The following BBS4 variants were observed in gnomAD, a reference collection of about 807,000 sequenced individuals.
The protein encoded by BBS4 is Bardet-Biedl syndrome 4.
BBS4 carries 58 observed loss-of-function variants against 71.4 expected under a neutral mutation model. That is an observed-to-expected ratio of 0.81 (90% CI 0.66 to 1.01). The LOEUF (loss-of-function observed/expected upper bound fraction) is 1.01, where lower values mean the gene tolerates loss of function less well. BBS4 is among the 50% of genes least tolerant of loss of function. The probability of loss-of-function intolerance (pLI) is 0.00; values close to 1 mark genes in which losing one functional copy is unlikely to be tolerated. For synonymous variants in BBS4, 228 were observed against 216.8 expected (o/e 1.05, Z -0.46); for missense variants, 660 against 607.9 (o/e 1.09, Z -0.90).
At position 72,736,903 on chromosome 15, in the gene BBS4, T is replaced by C. The variant is rs776847398; in HGVS notation, c.1390T>C (p.Ser464Pro). The change falls in exon 15 of 16, where the codon TCT becomes CCT. Residue 464 changes from serine to proline, a missense_variant. By Grantham distance (74) the Ser-to-Pro change is moderately conservative. Coordinates refer to ENST00000268057, the MANE Select transcript of BBS4 (RefSeq NM_033028.5). ...KPASFQQPLG[S>P]NQALGQAMSS... ...TGCCAGTTTCCAGCAGCCTCTGGGCTCTAATCAAGCTCTAGGACAGGCAAT... is the reference window on the plus strand; with the variant it reads ...TGCCAGTTTCCAGCAGCCTCTGGGCCCTAATCAAGCTCTAGGACAGGCAAT... The C allele has an allele frequency of 5.0e-6, 8 of 1,614,156 alleles. No individual in the cohort carries two copies. The highest frequency in any genetic ancestry group is 2.2e-5 in the East Asian group (1 of 44,884).
At chr15:72,717,181 T>G in intron 6 of BBS4, 1 of 298,148 alleles carries the variant, frequency 3.4e-6, no homozygotes, top group South Asian at 3.9e-5. Context: ...TCATGTCTTT[T>G]TCCCGTCCCC....
intron 4 of BBS4, among the ~76,000 whole-genome samples, chr15:72,713,223 A>T (rs1376088135): frequency 6.6e-6 from 1 of 151,920 alleles, no homozygotes; most frequent in African/African-American, 2.4e-5. Context: ...TACGATACAC[A>T]CACTACTACA....
chr15:72,723,907 C>T (rs1253074219), intron 7 of BBS4, among the ~76,000 whole-genome samples: 1 of 152,176 alleles, frequency 6.6e-6, no homozygotes, highest in East Asian at 1.9e-4. Context: ...TTAGATTTTA[C>T]TGTACAGCTA....
intron 4 of BBS4, 149 bp downstream of exon 4, chr15:72,712,456 A>G (rs1387501567): frequency 1.3e-5 from 10 of 774,234 alleles, no homozygotes; most frequent in South Asian, 3.0e-5. Context: ...TTGTTAGGCA[A>G]TTTTGTCATT....
chr15:72,717,155 G>T, intron 6 of BBS4: 1 of 362,674 alleles, frequency 2.8e-6, no homozygotes, highest in African/African-American at 2.1e-5. Flanking sequence ...ATCAGCAATA[G>T]GCATCTAGTT....
At chr15:72,723,776 T>C (rs1452058945) in intron 7 of BBS4, among the ~76,000 whole-genome samples, 1 of 152,184 alleles carries the variant, frequency 6.6e-6, no homozygotes, top group Non-Finnish European at 1.5e-5. Context: ...TATACTTGGT[T>C]AGGAGATTTT....
intron 8 of BBS4, among the ~76,000 whole-genome samples, chr15:72,727,619 TA>T (rs2065727719): frequency 2.0e-5 from 3 of 152,174 alleles, no homozygotes; most frequent in African/African-American, 7.2e-5. Flanking sequence ...TGACTTGGTT[TA>T]TAAAGCATTG....
intron 1 of BBS4, among the ~76,000 whole-genome samples, chr15:72,691,635 A>G (rs535081605): frequency 1.3e-5 from 2 of 152,230 alleles, no homozygotes; most frequent in South Asian, 4.1e-4. Flanking sequence ...ATTCCACTAG[A>G]TGGAGATCGG....
chr15:72,717,425 T>G (rs898772255), intron 6 of BBS4: 1 of 154,160 alleles, frequency 6.5e-6, no homozygotes, highest in Non-Finnish European at 1.4e-5. Flanking sequence ...GGCATTGATT[T>G]GGTGGTCCTA....
intron 6 of BBS4, among the ~76,000 whole-genome samples, chr15:72,720,091 G>A (rs72737317): frequency 6.7e-6 from 1 of 150,248 alleles, no homozygotes; most frequent in Non-Finnish European, 1.5e-5. Flanking sequence ...CCCCTTCATG[G>A]CATTTTTATT....
At position 72,725,840 on chromosome 15, in the gene BBS4, TCCCCATC is replaced by T. The variant is rs2065674937; in HGVS notation, c.587+1190_587+1196del. 6.5e-3 allele frequency among the ~76,000 whole-genome samples: 7 copies of T among 1,084 alleles called. 2 individuals are homozygous for T. The highest frequency in any genetic ancestry group is 0.014 in the Non-Finnish European group (5 of 362). 0.7% of individuals were successfully genotyped at this position (1,084 alleles called of 152,430 possible). On this transcript the variant is annotated intron_variant, in intron 8 of 15. Transcript: ENST00000268057. Reference sequence around the variant, plus strand: ...CCATCCCCCTTTCCCCATCCCCCTTTCCCCATCCCCCTTTCCCCATCCCCCTTTCCCC... The same window carrying T: ...CCATCCCCCTTTCCCCATCCCCCTTTCCCCTTTCCCCATCCCCCTTTCCCC...
chr15:72,703,047 G>A (rs890124978), intron 2 of BBS4, among the ~76,000 whole-genome samples: 1 of 151,382 alleles, frequency 6.6e-6, no homozygotes, highest in Non-Finnish European at 1.5e-5. Flanking sequence ...TCCTGACCTC[G>A]TGATCCGCCC....
At chr15:72,697,194 A>G (rs1567400633) in intron 2 of BBS4, among the ~76,000 whole-genome samples, 2 of 152,206 alleles carry the variant, frequency 1.3e-5, no homozygotes, top group Admixed American at 1.3e-4. Flanking sequence ...TGGCCCCCCA[A>G]AGTACTGGGA....
chr15:72,730,004 C>T (rs567502496), intron 10 of BBS4, among the ~76,000 whole-genome samples: 32 of 152,212 alleles, frequency 2.1e-4, no homozygotes, highest in Non-Finnish European at 3.2e-4. Flanking sequence ...CGGCCCGGCG[C>T]GGTGGCTCAC....
chr15:72,722,348 T>A (rs1048332432), intron 6 of BBS4, among the ~76,000 whole-genome samples: 1 of 152,224 alleles, frequency 6.6e-6, no homozygotes, highest in Non-Finnish European at 1.5e-5. Context: ...AATTCCAGAT[T>A]CCTAGGGAAA....
At position 72,710,704 on chromosome 15, in the gene BBS4, A is replaced by G. The variant is rs954312240; in HGVS notation, c.156+925A>G. 4.9e-4 allele frequency among the ~76,000 whole-genome samples: 74 copies of G among 152,022 alleles called. 3 individuals are homozygous for G. The highest frequency in any genetic ancestry group is 1.5e-5 in the Non-Finnish European group (1 of 67,990). ...GTATCCAGAGCTTTGTGACCCATCTAAGGTTTTTAATTTATACCCATGGCA... is the reference window on the plus strand; with the variant it reads ...GTATCCAGAGCTTTGTGACCCATCTGAGGTTTTTAATTTATACCCATGGCA... On this transcript the variant is annotated intron_variant, in intron 3 of 15. Coordinates refer to ENST00000268057, the MANE Select transcript of BBS4 (RefSeq NM_033028.5).
At chr15:72,693,199 A>G (rs2065017960) in intron 1 of BBS4, among the ~76,000 whole-genome samples, 1 of 152,204 alleles carries the variant, frequency 6.6e-6, no homozygotes. Context: ...TTAATTAAAC[A>G]CCACAAATTA....
At position 72,735,792 on chromosome 15, in the gene BBS4, C is replaced by T. The variant is rs755011510; in HGVS notation, c.1107-33C>T. On this transcript the variant is annotated intron_variant, in intron 13 of 15. Transcript: ENST00000268057. ...CTCTAAATGACCATTTGTTGCAGAGCCCCCAGCTCCATAGAATCTCTGTCT... is the reference window on the plus strand; with the variant it reads ...CTCTAAATGACCATTTGTTGCAGAGTCCCCAGCTCCATAGAATCTCTGTCT... 2.5e-6 allele frequency: 4 copies of T among 1,613,406 alleles called. No homozygotes were observed. The Admixed American group carries it at 5.0e-5, about 20-fold the overall frequency.
chr15:72,715,245 C>T (rs1031278285), intron 4 of BBS4, 46 bp from the exon 5 acceptor site: 2 of 1,464,928 alleles, frequency 1.4e-6, no homozygotes, highest in Non-Finnish European at 1.9e-6. Context: ...TCCATTCTTC[C>T]CAGAACATGG....
Sources: gnomAD v4.1 joint callset for allele counts (sites outside exome capture counted in the v4.1 genomes callset) on GRCh38, gnomAD v4.1.1 for gene constraint, MANE v1.5 for transcripts, NCBI Gene and HGNC (gene_info 2026-07-23, HGNC 2026-07-21) for gene names.